TMEM177: variants seen among roughly 807,000 people sequenced by gnomAD.
The protein encoded by TMEM177 is transmembrane protein 177.
Under a neutral mutation model 14.2 loss-of-function variants are expected in TMEM177, and 4 were observed. The ratio of observed to expected loss-of-function variants is 0.28; its 90% CI spans 0.14 to 0.64. The LOEUF is 0.64. Ranked by LOEUF, TMEM177 falls within the 30% of genes least tolerant of loss-of-function variation. TMEM177 has a pLI of 0.82. For missense variants in TMEM177, 344 were observed against 405.2 expected, an observed-to-expected ratio of 0.85 and a Z score of 1.30; for synonymous variants, 179 against 174.5, an observed-to-expected ratio of 1.03 and a Z score of -0.20.
chr2:119,707,150 AAGTGTTGGG>A, the TMEM177 span, among the ~76,000 whole-genome samples: 1 of 151,936 alleles, frequency 6.6e-6, no homozygotes, highest in Non-Finnish European at 1.5e-5. Context: ...TGGCCTCCCA[AAGTGTTGGG>A]ATTACAGGCA....
chr2:119,718,250 A>G, the TMEM177 span, among the ~76,000 whole-genome samples: 1 of 152,170 alleles, frequency 6.6e-6, no homozygotes, highest in East Asian at 1.9e-4. Context: ...TTCCTTACCA[A>G]GCTGTGTCAG....
At chr2:119,707,310 G>A in the TMEM177 span, among the ~76,000 whole-genome samples, 5 of 152,268 alleles carry the variant, frequency 3.3e-5, no homozygotes, top group Non-Finnish European at 4.4e-5. Flanking sequence ...AAGCAAATTC[G>A]TTTAGCTGGG....
At chr2:119,690,055 AC>A (rs1394530899), downstream of TMEM177, among the ~76,000 whole-genome samples, 1 of 152,132 alleles carries the variant, frequency 6.6e-6, no homozygotes, top group Non-Finnish European at 1.5e-5. Context: ...TCTTGTTATT[AC>A]CCATGACATG....
chr2:119,694,713 G>A, the TMEM177 span, among the ~76,000 whole-genome samples: 3 of 152,208 alleles, frequency 2.0e-5, no homozygotes, highest in African/African-American at 4.8e-5. Flanking sequence ...TGTCGTACAC[G>A]CCCCTGATGG....
downstream of TMEM177, among the ~76,000 whole-genome samples, chr2:119,687,691 A>G (rs188686325): frequency 1.5e-3 from 224 of 152,254 alleles, no homozygotes; most frequent in African/African-American, 5.3e-3. Context: ...ACAAAGCCAA[A>G]TCATAGCACC....
chr2:119,686,012 G>C, downstream of TMEM177: 1 of 326,426 alleles, frequency 3.1e-6, no homozygotes, highest in Non-Finnish European at 5.6e-6. Context: ...AGGGCAGGGT[G>C]TCATGGAGCT....
intron 1 of TMEM177, among the ~76,000 whole-genome samples, chr2:119,680,618 G>A (rs984362762): frequency 6.6e-6 from 1 of 152,158 alleles, no homozygotes; most frequent in African/African-American, 2.4e-5. Flanking sequence ...CACCCTAGAG[G>A]TGGGCCATTA....
At chr2:119,694,961 G>A in the TMEM177 span, among the ~76,000 whole-genome samples, 16 of 152,358 alleles carry the variant, frequency 1.1e-4, no homozygotes, top group African/African-American at 3.1e-4. Flanking sequence ...CTAGAAGGAC[G>A]TGTGGAGTGG....
At chr2:119,687,783 C>G (rs1050598258), downstream of TMEM177, among the ~76,000 whole-genome samples, 5 of 152,138 alleles carry the variant, frequency 3.3e-5, no homozygotes, top group Non-Finnish European at 5.9e-5. Flanking sequence ...GATTCCTGAC[C>G]CACAGAAACA....
downstream of TMEM177, among the ~76,000 whole-genome samples, chr2:119,685,202 T>G (rs1369834065): frequency 5.1e-5 from 3 of 58,366 alleles, no homozygotes; most frequent in East Asian, 6.7e-4. Flanking sequence ...AGACTCCCCC[T>G]CCTCAGCCCG....
chr2:119,685,844 T>G, downstream of TMEM177: 1 of 607,770 alleles, frequency 1.6e-6, no homozygotes, highest in Non-Finnish European at 3.0e-6. Flanking sequence ...CATAGCCCTT[T>G]TCCTCATGCT....
At chr2:119,684,100 A>G (rs981946188), downstream of TMEM177, among the ~76,000 whole-genome samples, 2 of 152,134 alleles carry the variant, frequency 1.3e-5, no homozygotes, top group African/African-American at 4.8e-5. Context: ...AGACATCCCC[A>G]TGCTTTCTGG....
At chr2:119,683,442 A>T (rs897216178), downstream of TMEM177, among the ~76,000 whole-genome samples, 1 of 152,178 alleles carries the variant, frequency 6.6e-6, no homozygotes, top group East Asian at 1.9e-4. Flanking sequence ...TTAAAGGGCC[A>T]CAAGGCCATG....
chr2:119,706,814 G>A, the TMEM177 span, among the ~76,000 whole-genome samples: 1 of 152,138 alleles, frequency 6.6e-6, no homozygotes, highest in African/African-American at 2.4e-5. Flanking sequence ...TGGTCACAAG[G>A]TTGCTGCTGC....
chr2:119,701,064 G>A, the TMEM177 span, among the ~76,000 whole-genome samples: 1 of 152,226 alleles, frequency 6.6e-6, no homozygotes, highest in South Asian at 2.1e-4. Flanking sequence ...GGGCAGGAAT[G>A]TGTGGTGACC....
chr2:119,719,247 C>A, the TMEM177 span, among the ~76,000 whole-genome samples: 1 of 152,208 alleles, frequency 6.6e-6, no homozygotes, highest in Non-Finnish European at 1.5e-5. Context: ...CTCCTGAGCT[C>A]TATGCCATAG....
Position 119,681,159 on chromosome 2 carries a change from T to A in TMEM177, c.306T>A (p.Ala102=), listed in dbSNP as rs761343398. Residue 102 remains alanine (A), a synonymous_variant, in exon 2 of 2, where the codon GCT becomes GCA. Coordinates refer to ENST00000272521, the MANE Select transcript of TMEM177 (RefSeq NM_030577.3). ...SAGFPRLPAG[A]VVGIPASFLG... ...GCTTCCCAAGACTCCCTGCTGGGGC[T>A]GTGGTGGGCATCCCTGCCAGTTTCT... The A allele has an allele frequency of 6.2e-7, 1 of 1,614,236 alleles. No homozygotes were observed. Among genetic ancestry groups the A allele is most frequent in the Admixed American group, 1.7e-5 (1 of 60,028 alleles).
chr2:119,692,864 C>T, the TMEM177 span, among the ~76,000 whole-genome samples: 1 of 148,454 alleles, frequency 6.7e-6, no homozygotes, highest in Non-Finnish European at 1.5e-5. Flanking sequence ...CCCAGCTACT[C>T]TGAAGGCTGA....
chr2:119,683,226 C>T (rs1157863736), downstream of TMEM177, among the ~76,000 whole-genome samples: 3 of 152,198 alleles, frequency 2.0e-5, no homozygotes, highest in Non-Finnish European at 4.4e-5. Flanking sequence ...CTCACGGGTC[C>T]TCACACTGGA....
Sources: gnomAD v4.1 joint callset for allele counts (sites outside exome capture counted in the v4.1 genomes callset) on GRCh38, gnomAD v4.1.1 for gene constraint, MANE v1.5 for transcripts, NCBI Gene and HGNC (gene_info 2026-07-23, HGNC 2026-07-21) for gene names.